Variants in CLCN3 observed in about 807,000 individuals in gnomAD.
CLCN3 encodes H(+)/Cl(-) exchange transporter 3.
In CLCN3, 16 loss-of-function variants were observed where a neutral mutation model predicts 83.4. That is an observed-to-expected ratio of 0.19 (90% CI 0.13 to 0.29). CLCN3 has a LOEUF of 0.29. Among genes scored for constraint, CLCN3 ranks in the 10% least tolerant of loss-of-function variants. The pLI, the probability that CLCN3 is intolerant of heterozygous loss-of-function variation, is 1.00. For synonymous variants in CLCN3, 322 were observed against 346.2 expected, an observed-to-expected ratio of 0.93 and a Z score of 0.78; for missense variants, 544 against 1,006.0, an observed-to-expected ratio of 0.54 and a Z score of 6.21.
chr4:169,690,480 A>G (rs748994595), intron 5 of CLCN3, 50 bp from the exon 6 acceptor site: 5 of 1,573,264 alleles, frequency 3.2e-6, no homozygotes, highest in African/African-American at 1.4e-5. Context: ...CATTTGCATT[A>G]GAGGTGCAAT....
intron 1 of CLCN3, among the ~76,000 whole-genome samples, chr4:169,629,733 C>G (rs1224971103): frequency 3.9e-5 from 6 of 152,056 alleles, no homozygotes; most frequent in Non-Finnish European, 8.8e-5. Context: ...AGTGTCAGAC[C>G]TCATGACACG....
intron 1 of CLCN3, among the ~76,000 whole-genome samples, 167 bp downstream of exon 1, chr4:169,621,230 C>T (rs1773104975): frequency 1.3e-5 from 2 of 152,000 alleles, no homozygotes; most frequent in African/African-American, 4.8e-5. Context: ...AGGTATATAC[C>T]CTCAGACATT....
At chr4:169,702,777 C>A (rs1366703597) in intron 9 of CLCN3, 540 of 246,234 alleles carry the variant, frequency 2.2e-3, no homozygotes, top group African/African-American at 7.7e-3. Flanking sequence ...CCCATCTCTA[C>A]AAAAAAAAAA....
chr4:169,715,233 A>G (rs1385457864), intron 12 of CLCN3, among the ~76,000 whole-genome samples: 2 of 152,162 alleles, frequency 1.3e-5, no homozygotes, highest in East Asian at 3.8e-4. Context: ...GAAAATATTT[A>G]AAAGAAAGTG....
intron 2 of CLCN3, among the ~76,000 whole-genome samples, chr4:169,679,066 C>G (rs1447138257): frequency 6.6e-6 from 1 of 150,412 alleles, no homozygotes; most frequent in African/African-American, 2.5e-5. Flanking sequence ...ACTGGGTGGC[C>G]GGGCGGAGAC....
At chr4:169,707,742 A>T (rs1323077757) in intron 11 of CLCN3, among the ~76,000 whole-genome samples, 1 of 152,188 alleles carries the variant, frequency 6.6e-6, no homozygotes, top group South Asian at 2.1e-4. Context: ...ATATTAATTT[A>T]TAATATCTGA....
In CLCN3 at chr4:169,721,675, G is replaced by C. The variant is rs919099424; in HGVS notation, c.*1678G>C. ...AGTGATGGTTTGAACATTTTTTGCA[G>C]GATGAGTGAAAATGCACTGGATTAT... is the stretch of plus-strand genomic sequence containing the variant. On this transcript the variant is annotated 3_prime_UTR_variant, in exon 13 of 13. Transcript: ENST00000513761. The C allele has an allele frequency of 1.7e-4, 26 of 152,088 alleles. No individual in the cohort carries two copies. The highest frequency in any genetic ancestry group is 6.3e-4 in the African/African-American group (26 of 41,408). The allele number at this position is 152,088 out of a possible 1,614,324, so 9.4% of individuals were successfully genotyped here. A position where few individuals can be genotyped will look rare whatever the true frequency, so the allele number is the denominator to read the frequency against.
Position 169,689,204 on chromosome 4 carries a change from G to A in CLCN3, c.580G>A (p.Ala194Thr), listed in dbSNP as rs1732272857. Residue 194 changes from alanine (A) to threonine (T), a missense_variant, in exon 5 of 13, where the codon GCA (alanine) becomes ACA (threonine). By Grantham distance (58) the Ala-to-Thr change is moderately conservative. Around this residue, in one of 6 missense-constraint regions of CLCN3, gnomAD observed 96 missense variants for 202.1 expected, o/e 0.48. Transcript: ENST00000513761. ...TAAATGTCCACAGTGGAAAACATGG[G>A]CAGAATTAATCATAGGTCAAGCAGA... is the stretch of plus-strand genomic sequence containing the variant. Reference protein sequence around the residue: ...RDKCPQWKTWAELIIGQAEGP... With the variant: ...RDKCPQWKTWTELIIGQAEGP... The A allele has an allele frequency of 1.2e-6, 2 of 1,613,302 alleles. No homozygotes were observed. The highest frequency in any genetic ancestry group is 2.7e-5 in the African/African-American group (2 of 74,874).
intron 2 of CLCN3, among the ~76,000 whole-genome samples, chr4:169,672,444 A>G (rs1223032219): frequency 6.6e-6 from 1 of 150,770 alleles, no homozygotes; most frequent in Non-Finnish European, 1.5e-5. Context: ...CCAGCCTTTG[A>G]TATATTATTA....
At chr4:169,643,787 C>T (rs888312782) in intron 2 of CLCN3, among the ~76,000 whole-genome samples, 3 of 152,182 alleles carry the variant, frequency 2.0e-5, no homozygotes, top group African/African-American at 7.2e-5. Flanking sequence ...CCTCCCATCT[C>T]GGCCTTCCAA....
At chr4:169,703,664 C>CTTTTTTTTTTT (rs112073521) in intron 9 of CLCN3, among the ~76,000 whole-genome samples, 1 of 142,376 alleles carries the variant, frequency 7.0e-6, no homozygotes. Flanking sequence ...GCATATTGTC[C>CTTTTTTTTTTT]TTTTTTTTTT....
chr4:169,641,913 CTAA>C, intron 2 of CLCN3, among the ~76,000 whole-genome samples: 1 of 152,062 alleles, frequency 6.6e-6, no homozygotes. Flanking sequence ...GAGAAATATA[CTAA>C]TAATCTACTT....
At chr4:169,660,491 T>G in intron 2 of CLCN3, 1 of 1,269,862 alleles carries the variant, frequency 7.9e-7, no homozygotes, top group Non-Finnish European at 1.0e-6. Context: ...TGGTATGTTT[T>G]GCATGCGGCT....
At chr4:169,647,719 T>C in intron 2 of CLCN3, among the ~76,000 whole-genome samples, 1 of 152,190 alleles carries the variant, frequency 6.6e-6, no homozygotes. Context: ...TGAATAAATA[T>C]GAGGCAAAAG....
chr4:169,665,681 A>G (rs1358785798), intron 2 of CLCN3, among the ~76,000 whole-genome samples: 1 of 151,926 alleles, frequency 6.6e-6, no homozygotes, highest in Non-Finnish European at 1.5e-5. Context: ...AATACATAGT[A>G]TTTTGGATTT....
At chr4:169,664,210 TG>T (rs1731165087) in intron 2 of CLCN3, among the ~76,000 whole-genome samples, 5 of 152,172 alleles carry the variant, frequency 3.3e-5, no homozygotes, top group Admixed American at 2.6e-4. Context: ...GGACTAATGA[TG>T]GGCTTAAACC....
chr4:169,677,894 CT>C (rs35685186), intron 2 of CLCN3, among the ~76,000 whole-genome samples: 13,996 of 152,150 alleles, frequency 0.092, 676 homozygotes, highest in African/African-American at 0.12. Context: ...AATTGTATTT[CT>C]TTTTCTTGAG....
chr4:169,660,204 C>T (rs1331361045), intron 2 of CLCN3: 2 of 1,196,946 alleles, frequency 1.7e-6, no homozygotes, highest in Non-Finnish European at 2.1e-6. Context: ...ACATCATCCA[C>T]TGTGGAAGAA....
At chr4:169,649,609 AG>A (rs1483782942) in intron 2 of CLCN3, among the ~76,000 whole-genome samples, 1 of 152,252 alleles carries the variant, frequency 6.6e-6, no homozygotes, top group Non-Finnish European at 1.5e-5. Flanking sequence ...CTGTATTTCT[AG>A]CACATGCAGT....
Sources: gnomAD v4.1 joint callset for allele counts (sites outside exome capture counted in the v4.1 genomes callset) on GRCh38, gnomAD v4.1.1 for gene constraint, gnomAD v4.1.1 regional missense constraint, MANE v1.5 for transcripts, NCBI Gene and HGNC (gene_info 2026-07-23, HGNC 2026-07-21) for gene names.